ZNF407: variants seen among roughly 807,000 people sequenced by gnomAD.
ZNF407 encodes the protein zinc finger protein 407.
ZNF407 carries 17 observed loss-of-function variants against 131.2 expected under a neutral mutation model. That is an observed-to-expected ratio of 0.13 (90% CI 0.09 to 0.19). The LOEUF is 0.19. Ranked by LOEUF, ZNF407 falls within the 10% of genes least tolerant of loss-of-function variation. The probability of loss-of-function intolerance (pLI) is 1.00; values close to 1 mark genes in which losing one functional copy is unlikely to be tolerated. For missense variants in ZNF407, 2,681 were observed against 2,830.6 expected (o/e 0.95, Z 1.20); for synonymous variants, 1,156 against 1,062.0 (o/e 1.09, Z -1.72).
chr18:74,812,723 A>G (rs538432448), intron 4 of ZNF407, among the ~76,000 whole-genome samples: 49 of 149,674 alleles, frequency 3.3e-4, no homozygotes, highest in African/African-American at 1.1e-3. Context: ...GACATTTTCG[A>G]CCTCTGTGTG....
At position 74,807,042 on chromosome 18, in the gene ZNF407, C is replaced by T. The variant is rs563901226; in HGVS notation, c.4877+25540C>T. On this transcript the variant is annotated intron_variant, in intron 4 of 8. Transcript: ENST00000299687. ...GAAGCACATAAATAATTTCAGAAAG[C>T]AGTAGATGCCATGGAGATAATAACG... Among the ~76,000 whole-genome samples, 10 of 152,268 alleles carry T rather than the reference C, an allele frequency of 6.6e-5. No homozygotes were observed. In the East Asian group the frequency reaches 1.7e-3, roughly 26 times the overall value.
At chr18:74,711,804 A>C (rs1174936566) in intron 3 of ZNF407, among the ~76,000 whole-genome samples, 2 of 152,074 alleles carry the variant, frequency 1.3e-5, no homozygotes, top group African/African-American at 2.4e-5. Context: ...TCCGCCTCTC[A>C]GGTTCAAGCG....
rs947771374 is a variant in ZNF407, at chr18:75,027,566, G to A, written c.5429-35584G>A. Among the ~76,000 whole-genome samples the A allele has an allele frequency of 1.3e-5, 2 of 152,096 alleles. 1 individual carries two copies. The highest frequency in any genetic ancestry group is 4.8e-5 in the African/African-American group (2 of 41,412). On this transcript the variant is annotated intron_variant, in intron 8 of 8. Transcript: ENST00000299687. ...TGGGTTGGATATGGAAGGTAGGGAGGGAGCATTGGTCAATGAGGAAGGACT... is the reference window on the plus strand; with the variant it reads ...TGGGTTGGATATGGAAGGTAGGGAGAGAGCATTGGTCAATGAGGAAGGACT...
intron 3 of ZNF407, among the ~76,000 whole-genome samples, chr18:74,661,256 A>AT: frequency 6.6e-6 from 1 of 152,106 alleles, no homozygotes; most frequent in South Asian, 2.1e-4. Context: ...GCACAGAGTC[A>AT]TTTTATGTTG....
At chr18:75,021,816 AAG>A (rs1218675403) in intron 8 of ZNF407, among the ~76,000 whole-genome samples, 8 of 152,074 alleles carry the variant, frequency 5.3e-5, no homozygotes, top group South Asian at 2.1e-4. Context: ...ATTTGAATAA[AAG>A]AACTAACAAA....
chr18:74,770,004 A>G (rs1393739349), intron 3 of ZNF407, among the ~76,000 whole-genome samples: 1 of 152,064 alleles, frequency 6.6e-6, no homozygotes, highest in Admixed American at 6.6e-5. Context: ...GCCACTTAGG[A>G]GCTTGCAGTC....
rs377730925 is a variant in ZNF407 at position 74,615,276 on chromosome 18, G to C, written c.-53-15691G>C. ...AATCCCAGCACTTTGGGAGGCCGAG[G>C]TGGGCAGATCACGAGGTCAAGAGAT... On this transcript the variant is annotated intron_variant, in intron 1 of 8. Coordinates refer to ENST00000299687, the MANE Select transcript of ZNF407 (RefSeq NM_017757.3). Among the ~76,000 whole-genome samples, 3 of 152,220 alleles carry C rather than the reference G, an allele frequency of 2.0e-5. No individual in the cohort carries two copies. In the East Asian group the frequency reaches 5.8e-4, roughly 29 times the overall value.
chr18:74,754,277 G>C (rs534795806), intron 3 of ZNF407, among the ~76,000 whole-genome samples: 1 of 152,164 alleles, frequency 6.6e-6, no homozygotes, highest in Non-Finnish European at 1.5e-5. Flanking sequence ...TATCAATTCT[G>C]TTGATCTTTT....
intron 4 of ZNF407, chr18:74,804,509 C>G (rs1970078552): frequency 1.0e-6 from 1 of 987,802 alleles, no homozygotes; most frequent in Non-Finnish European, 1.2e-6. Flanking sequence ...AAATTTCACA[C>G]TCAGATGCAA....
chr18:74,964,143 AAC>A (rs1241557071), intron 8 of ZNF407, among the ~76,000 whole-genome samples: 2 of 152,190 alleles, frequency 1.3e-5, no homozygotes, highest in African/African-American at 4.8e-5. Context: ...GCAGTTATAT[AAC>A]AGACTTTCAT....
At chr18:74,978,600 G>A (rs535112412) in intron 8 of ZNF407, among the ~76,000 whole-genome samples, 4 of 151,894 alleles carry the variant, frequency 2.6e-5, no homozygotes, top group Non-Finnish European at 5.9e-5. Context: ...TTAATGATTG[G>A]ATGATGAGGC....
At chr18:74,650,065 A>G (rs1452960710) in intron 3 of ZNF407, among the ~76,000 whole-genome samples, 1 of 152,248 alleles carries the variant, frequency 6.6e-6, no homozygotes, top group Admixed American at 6.5e-5. Context: ...TTAAGATGAT[A>G]GAACATGGGC....
At chr18:74,906,170 A>G (rs1167048906) in intron 7 of ZNF407, among the ~76,000 whole-genome samples, 1 of 152,150 alleles carries the variant, frequency 6.6e-6, no homozygotes, top group Admixed American at 6.5e-5. Context: ...GGTGTCCTGA[A>G]GACAGCTTCT....
At chr18:74,763,138 G>T (rs1434141607) in intron 3 of ZNF407, among the ~76,000 whole-genome samples, 5 of 136,924 alleles carry the variant, frequency 3.7e-5, no homozygotes, top group African/African-American at 1.3e-4. Flanking sequence ...ATAAGTAGAG[G>T]AATCTCTTGG....
At chr18:75,051,866 C>G (rs547792356) in intron 8 of ZNF407, among the ~76,000 whole-genome samples, 1 of 152,202 alleles carries the variant, frequency 6.6e-6, no homozygotes, top group Middle Eastern at 3.2e-3. Flanking sequence ...CACCACATGT[C>G]ATCAGAACTC....
At position 74,831,340 on chromosome 18, in the gene ZNF407, A is replaced by G. The variant is rs76454611; in HGVS notation, c.4878-45857A>G. On this transcript the variant is annotated intron_variant, in intron 4 of 8. Transcript: ENST00000299687. The stretch of plus-strand genomic sequence containing the variant: ...AGTACACTGACATTATTGCACAGCT[A>G]TCACCACTATCCATCTCTTGAACTG... Among the ~76,000 whole-genome samples, 608 of 152,300 alleles carry G rather than the reference A, an allele frequency of 4.0e-3. 6 individuals carry two copies. The highest frequency in any genetic ancestry group is 0.014 in the African/African-American group (584 of 41,558).
intron 4 of ZNF407, among the ~76,000 whole-genome samples, chr18:74,867,671 G>A (rs947463257): frequency 6.6e-6 from 1 of 152,122 alleles, no homozygotes; most frequent in Non-Finnish European, 1.5e-5. Context: ...AAAGGGTTTG[G>A]GATAGTTGAT....
intron 8 of ZNF407, among the ~76,000 whole-genome samples, chr18:74,931,438 G>A (rs936588419): frequency 4.6e-5 from 7 of 152,014 alleles, no homozygotes; most frequent in Admixed American, 2.6e-4. Flanking sequence ...ACAAATGACC[G>A]GCAAGCCATG....
At chr18:75,009,598 G>C (rs1972950309) in intron 8 of ZNF407, among the ~76,000 whole-genome samples, 1 of 152,198 alleles carries the variant, frequency 6.6e-6, no homozygotes, top group South Asian at 2.1e-4. Context: ...AAAAATAATA[G>C]CTATCACTTG....
Sources: gnomAD v4.1 joint callset for allele counts (sites outside exome capture counted in the v4.1 genomes callset) on GRCh38, gnomAD v4.1.1 for gene constraint, MANE v1.5 for transcripts, NCBI Gene and HGNC (gene_info 2026-07-23, HGNC 2026-07-21) for gene names.